The following LRRC39 variants were observed in gnomAD, a reference collection of about 807,000 sequenced individuals.
The protein encoded by LRRC39 is leucine rich repeat containing 39, also known as leucine-rich repeat-containing protein 39.
In LRRC39, 35 loss-of-function variants were observed where a neutral mutation model predicts 39.7. That is an observed-to-expected ratio of 0.88 (90% CI 0.67 to 1.17). LRRC39 has a LOEUF of 1.17. Among genes scored for constraint, LRRC39 ranks in the 50% most tolerant of loss-of-function variants. LRRC39 has a pLI of 0.00. For missense variants in LRRC39, 357 were observed against 385.8 expected, an observed-to-expected ratio of 0.93 and a Z score of 0.62; for synonymous variants, 113 against 134.1, an observed-to-expected ratio of 0.84 and a Z score of 1.09.
At chr1:100,153,600 C>A (rs1403274460) in intron 8 of LRRC39, among the ~76,000 whole-genome samples, 2 of 151,892 alleles carry the variant, frequency 1.3e-5, no homozygotes, top group East Asian at 1.9e-4. Context: ...AAGAAAAAAA[C>A]CAACCCCACA....
At chr1:100,165,191 T>G (rs1001769822) in intron 3 of LRRC39, among the ~76,000 whole-genome samples, 2 of 152,164 alleles carry the variant, frequency 1.3e-5, no homozygotes, top group Admixed American at 6.5e-5. Context: ...TTACACAAAT[T>G]CCATGTAATG....
Position 100,158,297 on chromosome 1 carries a change from A to T in LRRC39, c.447T>A (p.Ser149Arg). The T allele has an allele frequency of 6.2e-7, 1 of 1,614,048 alleles. No homozygotes were observed. ...CTAGTTTCTCCAAGCTGGCACAATT[A>T]CTTAGTTCCTTGGGGACAGTCTTGA... Reference protein sequence around the residue: ...NKIKTVPKELSNCASLEKLEL... With the variant: ...NKIKTVPKELRNCASLEKLEL... The change falls in exon 6 of 10, where the codon AGT becomes AGA. Residue 149 changes from serine to arginine, a missense_variant. By Grantham distance (110) the Ser-to-Arg change is moderately radical. Transcript: ENST00000370137.
chr1:100,148,955 G>T lies in LRRC39; in HGVS notation c.*87C>A. On this transcript the variant is annotated 3_prime_UTR_variant, in exon 10 of 10. Coordinates refer to ENST00000370137, the MANE Select transcript of LRRC39 (RefSeq NM_144620.4). Reference sequence around the variant, plus strand: ...AAATGCTGTGGCCTCATTAAACTTTGGTAATAGCTTTTCTTTTTACTTCAG... The same window carrying T: ...AAATGCTGTGGCCTCATTAAACTTTTGTAATAGCTTTTCTTTTTACTTCAG... 7.9e-7 allele frequency: 1 copy of T among 1,271,032 alleles called. No individual in the cohort carries two copies. Among genetic ancestry groups the T allele is most frequent in the Non-Finnish European group, 1.1e-6 (1 of 949,992 alleles). The allele number at this position is 1,271,032 out of a possible 1,614,324, so 78.7% of individuals were successfully genotyped here.
intron 6 of LRRC39, among the ~76,000 whole-genome samples, chr1:100,156,690 A>G (rs1658466660): frequency 6.6e-6 from 1 of 152,186 alleles, no homozygotes; most frequent in Non-Finnish European, 1.5e-5. Flanking sequence ...TCCAAATAAT[A>G]GTGGTGGAGG....
At chr1:100,172,363 A>C (rs1203871343) in intron 2 of LRRC39, among the ~76,000 whole-genome samples, 3 of 152,318 alleles carry the variant, frequency 2.0e-5, no homozygotes, top group African/African-American at 7.2e-5. Flanking sequence ...TAAACCATAT[A>C]CTGGCAAACC....
chr1:100,159,367 G>C lies in LRRC39; in HGVS notation c.268C>G (p.Leu90Val), dbSNP rs776587147. The stretch of plus-strand genomic sequence containing the variant: ...ATTTTCAGCAAACCAGTTCTATGAA[G>C]TTGCCATTCCTGTAGTTGATTCAGT... ...LKLNQLQEWQ[L>V]HRTGLLKIPE... Residue 90 changes from leucine to valine, a missense_variant, in exon 5 of 10, where the codon CTT becomes GTT. Coordinates refer to ENST00000370137, the MANE Select transcript of LRRC39 (RefSeq NM_144620.4). 5 of 1,611,700 alleles carry C rather than the reference G, an allele frequency of 3.1e-6. No homozygotes were observed. Among genetic ancestry groups the C allele is most frequent in the Middle Eastern group, 1.7e-4 (1 of 6,054 alleles).
At chr1:100,166,415 A>G (rs1659248498) in intron 3 of LRRC39, among the ~76,000 whole-genome samples, 1 of 152,198 alleles carries the variant, frequency 6.6e-6, no homozygotes, top group Admixed American at 6.5e-5. Context: ...TTTGACCAAA[A>G]TGCTGATAAT....
chr1:100,178,127 A>G lies in LRRC39; in HGVS notation c.-119+8T>C, dbSNP rs1229918531. The G allele has an allele frequency of 1.3e-5, 2 of 152,244 alleles. No homozygotes were observed. Among genetic ancestry groups the G allele is most frequent in the African/African-American group, 4.8e-5 (2 of 41,468 alleles). 9.4% of individuals were successfully genotyped at this position (152,244 alleles called of 1,614,324 possible). A position where few individuals can be genotyped will look rare whatever the true frequency, so the allele number is the denominator to read the frequency against. Reference sequence around the variant, plus strand: ...TTTGAAAAATACTTACCATTGTCAAATACTTACCACACATAACCAAAGTTA... The same window carrying G: ...TTTGAAAAATACTTACCATTGTCAAGTACTTACCACACATAACCAAAGTTA... On this transcript the variant is annotated splice_region_variant and intron_variant, in intron 1 of 9. Coordinates refer to ENST00000370137, the MANE Select transcript of LRRC39 (RefSeq NM_144620.4).
At chr1:100,163,014 T>G (rs1364198867) in intron 3 of LRRC39, among the ~76,000 whole-genome samples, 1 of 152,260 alleles carries the variant, frequency 6.6e-6, no homozygotes, top group Non-Finnish European at 1.5e-5. Context: ...CTGTGTATTT[T>G]GATCTATCAC....
chr1:100,169,054 A>G (rs1440568780), intron 2 of LRRC39, among the ~76,000 whole-genome samples: 1 of 152,076 alleles, frequency 6.6e-6, no homozygotes, highest in African/African-American at 2.4e-5. Flanking sequence ...ATAAATTGCA[A>G]ATGGATGACG....
chr1:100,176,285 A>C (rs1356324323), intron 1 of LRRC39, among the ~76,000 whole-genome samples: 3 of 152,096 alleles, frequency 2.0e-5, no homozygotes, highest in Non-Finnish European at 4.4e-5. Flanking sequence ...AAAATTAGCC[A>C]GGCGTGGTGG....
intron 1 of LRRC39, among the ~76,000 whole-genome samples, chr1:100,176,483 G>A (rs1042896972): frequency 6.6e-6 from 1 of 152,112 alleles, no homozygotes; most frequent in Non-Finnish European, 1.5e-5. Flanking sequence ...TATAAAAATA[G>A]CTAGAATTAA....
chr1:100,177,945 A>G (rs767863953), intron 1 of LRRC39, among the ~76,000 whole-genome samples, 190 bp downstream of exon 1: 3 of 152,218 alleles, frequency 2.0e-5, no homozygotes, highest in African/African-American at 2.4e-5. Flanking sequence ...GGGGAAATCT[A>G]TCTTCCAGAG....
chr1:100,167,755 G>A (rs890494649), intron 3 of LRRC39, among the ~76,000 whole-genome samples: 26 of 149,376 alleles, frequency 1.7e-4, no homozygotes, highest in Non-Finnish European at 7.4e-5. Flanking sequence ...CAGCCTGGGC[G>A]ACAGAGTGAG....
chr1:100,158,170 C>A, intron 6 of LRRC39, 61 bp downstream of exon 6: 1 of 1,536,194 alleles, frequency 6.5e-7, no homozygotes, highest in East Asian at 2.3e-5. Context: ...AACAACCACA[C>A]ATTGAGTGGT....
chr1:100,168,645 C>A, intron 2 of LRRC39, 51 bp from the exon 3 acceptor site: 1 of 634,320 alleles, frequency 1.6e-6, no homozygotes, highest in South Asian at 1.9e-5. Context: ...CATTGAGTAC[C>A]ATAATGATCA....
intron 2 of LRRC39, among the ~76,000 whole-genome samples, chr1:100,172,204 A>G (rs1659662068): frequency 6.6e-6 from 1 of 152,208 alleles, no homozygotes; most frequent in African/African-American, 2.4e-5. Flanking sequence ...TAATCATAGA[A>G]TGAACTCTTC....
chr1:100,167,403 G>A (rs1195814307), intron 3 of LRRC39, among the ~76,000 whole-genome samples: 2 of 152,050 alleles, frequency 1.3e-5, no homozygotes, highest in African/African-American at 2.4e-5. Context: ...CTTCCCTATC[G>A]CCTAAACCAT....
intron 7 of LRRC39, 21 bp from the exon 8 acceptor site, chr1:100,155,224 CAATT>C (rs139789744): frequency 0.021 from 32,398 of 1,542,878 alleles, 420 homozygotes; most frequent in Non-Finnish European, 0.025. Flanking sequence ...AAGGTTTCTA[CAATT>C]AATTACATAT....
Sources: gnomAD v4.1 joint callset for allele counts (sites outside exome capture counted in the v4.1 genomes callset) on GRCh38, gnomAD v4.1.1 for gene constraint, MANE v1.5 for transcripts, NCBI Gene and HGNC (gene_info 2026-07-23, HGNC 2026-07-21) for gene names.